Variants in SEPTIN14 observed in about 807,000 individuals in gnomAD.
SEPTIN14 encodes septin-14.
A neutral mutation model predicts 53.6 loss-of-function variants in SEPTIN14; 40 were observed. The observed-to-expected ratio is 0.75, with a 90% CI of 0.58 to 0.97. The LOEUF (loss-of-function observed/expected upper bound fraction) is 0.97. Ranked by LOEUF, SEPTIN14 falls within the 50% of genes least tolerant of loss-of-function variation. The pLI is 0.00. For synonymous variants in SEPTIN14, 138 were observed against 166.8 expected (o/e 0.83, Z 1.33); for missense variants, 471 against 508.2 (o/e 0.93, Z 0.70).
Position 55,798,482 on chromosome 7 carries a change from T to A in SEPTIN14, c.1120-2390A>T, listed in dbSNP as rs549536731. ...CAATGATGCTTTCCTCTCCGTCATG[T>A]CTCCTGACACCCAGTTGCCTCTACC... On this transcript the variant is annotated intron_variant, in intron 9 of 9. Transcript: ENST00000388975. 7.4e-4 allele frequency: 218 copies of A among 293,978 alleles called. 2 individuals carry two copies. The highest frequency in any genetic ancestry group is 6.5e-3 in the Middle Eastern group (5 of 768). The allele number at this position is 293,978 out of a possible 1,614,324, so 18.2% of individuals were successfully genotyped here.
chr7:55,832,488 C>T (rs996742506), intron 6 of SEPTIN14, among the ~76,000 whole-genome samples: 6 of 152,114 alleles, frequency 3.9e-5, no homozygotes, highest in South Asian at 4.1e-4. Context: ...ATAGTAAAGT[C>T]ATGGAATTAA....
chr7:55,836,993 A>AGG (rs1789219346), intron 5 of SEPTIN14, among the ~76,000 whole-genome samples: 3 of 152,212 alleles, frequency 2.0e-5, no homozygotes, highest in African/African-American at 4.8e-5. Flanking sequence ...AACTAATTTA[A>AGG]GTTGAAGACA....
At chr7:55,857,996 A>T (rs574896853) in intron 2 of SEPTIN14, among the ~76,000 whole-genome samples, 1 of 152,322 alleles carries the variant, frequency 6.6e-6, no homozygotes, top group Non-Finnish European at 1.5e-5. Flanking sequence ...CTGAAAAAAA[A>T]ATATCTCTCT....
intron 6 of SEPTIN14, among the ~76,000 whole-genome samples, chr7:55,821,351 A>G (rs1788891323): frequency 6.6e-6 from 1 of 152,186 alleles, no homozygotes. Context: ...CTGAAGCTTC[A>G]GGGCAGGGTG....
At chr7:55,842,365 G>A (rs1410091818) in intron 5 of SEPTIN14, among the ~76,000 whole-genome samples, 1 of 152,056 alleles carries the variant, frequency 6.6e-6, no homozygotes, top group African/African-American at 2.4e-5. Flanking sequence ...CAACAACTCT[G>A]GGAGGGCAAG....
At chr7:55,848,543 T>A (rs1348098689) in intron 2 of SEPTIN14, among the ~76,000 whole-genome samples, 1 of 151,750 alleles carries the variant, frequency 6.6e-6, no homozygotes, top group Non-Finnish European at 1.5e-5. Flanking sequence ...ACAATCCTCC[T>A]GCCTTAGCCT....
chr7:55,833,740 G>T (rs1789154613), intron 6 of SEPTIN14, among the ~76,000 whole-genome samples: 2 of 148,720 alleles, frequency 1.3e-5, no homozygotes, highest in Non-Finnish European at 2.9e-5. Flanking sequence ...ATTAATCAAT[G>T]AAGCTAAGAG....
intron 7 of SEPTIN14, chr7:55,811,433 G>A (rs571212973): frequency 7.6e-6 from 3 of 397,120 alleles, no homozygotes; most frequent in East Asian, 1.3e-4. Flanking sequence ...GAGGCTGCAG[G>A]GAGCGATGGA....
chr7:55,811,492 AGTTC>A, intron 7 of SEPTIN14: 2 of 274,576 alleles, frequency 7.3e-6, no homozygotes, highest in East Asian at 1.0e-4. Flanking sequence ...CAAGTTTTAC[AGTTC>A]TTTTTTTTTT....
chr7:55,828,914 A>G (rs934330837), intron 6 of SEPTIN14, among the ~76,000 whole-genome samples: 1 of 151,926 alleles, frequency 6.6e-6, no homozygotes, highest in Admixed American at 6.6e-5. Flanking sequence ...TATGTTTCCA[A>G]TCTTTTTACC....
At position 55,833,183 on chromosome 7, in the gene SEPTIN14, C is replaced by T. The variant is rs568493043; in HGVS notation, c.720+1242G>A. Among the ~76,000 whole-genome samples the T allele has an allele frequency of 3.4e-4, 51 of 151,984 alleles. 1 individual carries two copies. In the East Asian group the frequency reaches 7.2e-3, roughly 21 times the overall value. The stretch of plus-strand genomic sequence containing the variant: ...CAAACAAATTAGCCGGATGTGGTGG[C>T]GCACGCCTGTAGTCCCAGCTACTCG... On this transcript the variant is annotated intron_variant, in intron 6 of 9. Coordinates refer to ENST00000388975, the MANE Select transcript of SEPTIN14 (RefSeq NM_207366.3).
intron 3 of SEPTIN14, among the ~76,000 whole-genome samples, chr7:55,845,922 G>A (rs371761556): frequency 6.7e-5 from 10 of 149,354 alleles, no homozygotes; most frequent in East Asian, 3.9e-4. Flanking sequence ...ATTGGCGGGC[G>A]CCTGTAGTCC....
intron 1 of SEPTIN14, 80 bp from the exon 2 acceptor site, chr7:55,862,091 G>T: frequency 1.2e-6 from 1 of 821,982 alleles, no homozygotes; most frequent in Admixed American, 3.1e-5. Context: ...GATAATTAGG[G>T]GGCATAATAT....
chr7:55,815,528 T>G (rs1214055496), intron 7 of SEPTIN14, among the ~76,000 whole-genome samples: 1 of 152,172 alleles, frequency 6.6e-6, no homozygotes, highest in Non-Finnish European at 1.5e-5. Flanking sequence ...TGATAATAAC[T>G]GTTTTAACAT....
chr7:55,832,400 C>G (rs1305825404), intron 6 of SEPTIN14, among the ~76,000 whole-genome samples: 1 of 152,224 alleles, frequency 6.6e-6, no homozygotes, highest in East Asian at 1.9e-4. Context: ...AGTGATTATA[C>G]TACTAGGCAT....
Position 55,805,358 on chromosome 7 carries a change from T to C in SEPTIN14, c.1019A>G (p.Glu340Gly). Reference sequence around the variant, plus strand: ...TTCCCTCTGACATTGATCATAGAACTCTTGTCTTTTGGCTTCAAAGATTTC... The same window carrying C: ...TTCCCTCTGACATTGATCATAGAACCCTTGTCTTTTGGCTTCAAAGATTTC... Reference protein sequence around the residue: ...FQEIFEAKRQEFYDQCQREEE... With the variant: ...FQEIFEAKRQGFYDQCQREEE... The change falls in exon 9 of 10, where the codon GAG (glutamate) becomes GGG (glycine). Residue 340 changes from glutamate to glycine, a missense_variant. Coordinates refer to ENST00000388975, the MANE Select transcript of SEPTIN14 (RefSeq NM_207366.3). 6.3e-7 allele frequency: 1 copy of C among 1,595,188 alleles called. No individual in the cohort carries two copies. The highest frequency in any genetic ancestry group is 1.8e-5 in the Admixed American group (1 of 55,912).
intron 7 of SEPTIN14, among the ~76,000 whole-genome samples, chr7:55,808,433 G>C (rs1788643041): frequency 6.6e-6 from 1 of 152,126 alleles, no homozygotes; most frequent in Admixed American, 6.6e-5. Context: ...CAAAATGGCT[G>C]TACCAACTTA....
intron 7 of SEPTIN14, among the ~76,000 whole-genome samples, chr7:55,818,822 T>C (rs964290327): frequency 3.9e-5 from 6 of 152,224 alleles, no homozygotes; most frequent in Admixed American, 3.9e-4. Flanking sequence ...AGTGTCATGA[T>C]TTATACAGAG....
In SEPTIN14 at chr7:55,793,844, A is replaced by G. The variant is rs1788381436; in HGVS notation, c.*2069T>C. 1 of 152,136 alleles carries G rather than the reference A, an allele frequency of 6.6e-6. No homozygotes were observed. Among genetic ancestry groups the G allele is most frequent in the African/African-American group, 2.4e-5 (1 of 41,466 alleles). The allele number at this position is 152,136 out of a possible 1,614,324, so 9.4% of individuals were successfully genotyped here. A position where few individuals can be genotyped will look rare whatever the true frequency, so the allele number is the denominator to read the frequency against. ...GAGAATAGAAACAAAACTTGTCACT[A>G]CAAAAAAAATCAACTAAAGATAAAA... On this transcript the variant is annotated 3_prime_UTR_variant, in exon 10 of 10. Transcript: ENST00000388975.
Sources: allele counts gnomAD v4.1 joint callset (sites outside exome capture counted in the v4.1 genomes callset), GRCh38; gene constraint gnomAD v4.1.1; transcripts MANE v1.5; gene names NCBI Gene and HGNC (gene_info 2026-07-23, HGNC 2026-07-21).